The following KCNN2 variants were observed in gnomAD, a reference collection of about 807,000 sequenced individuals.
The protein encoded by KCNN2 is small conductance calcium-activated potassium channel protein 2.
A neutral mutation model predicts 55.5 loss-of-function variants in KCNN2; 24 were observed. That is an observed-to-expected ratio of 0.43 (90% CI 0.31 to 0.61). The LOEUF (loss-of-function observed/expected upper bound fraction) is 0.61. Among genes scored for constraint, KCNN2 ranks in the 20% least tolerant of loss-of-function variants. KCNN2 has a pLI of 0.08. For missense variants in KCNN2, 754 were observed against 853.6 expected (o/e 0.88, Z 1.45); for synonymous variants, 431 against 336.1 (o/e 1.28, Z -3.09).
Position 114,056,501 on chromosome 5 carries a change from G to A in KCNN2, c.-271+1G>A, listed in dbSNP as rs1750211002. On this transcript the variant is annotated splice_donor_variant, in intron 1 of 10. Transcript: ENST00000512097. LOFTEE classifies it low-confidence loss of function (5UTR_SPLICE). ...GCGGGACTCCTGGTTGCAGAACGAG[G>A]TAAGGTCGCGACTAAGGTGACATTG... is the stretch of plus-strand genomic sequence containing the variant. The A allele has an allele frequency of 2.5e-6, 1 of 398,330 alleles. No homozygotes were observed. Among genetic ancestry groups the A allele is most frequent in the Non-Finnish European group, 4.4e-6 (1 of 226,020 alleles). 24.7% of individuals were successfully genotyped at this position (398,330 alleles called of 1,614,324 possible).
intron 2 of KCNN2, among the ~76,000 whole-genome samples, chr5:114,301,771 CTG>C (rs371949688): frequency 4.7e-4 from 72 of 152,320 alleles, no homozygotes; most frequent in East Asian, 3.1e-3. Flanking sequence ...CTACTCAGCA[CTG>C]GACAGATTTG....
intron 1 of KCNN2, among the ~76,000 whole-genome samples, chr5:114,073,096 A>G (rs1026955907): frequency 6.6e-6 from 1 of 152,158 alleles, no homozygotes; most frequent in Non-Finnish European, 1.5e-5. Context: ...GTGAAATCAA[A>G]GATTGTTGTA....
chr5:114,248,991 A>G (rs4705650), intron 2 of KCNN2, among the ~76,000 whole-genome samples: 121,394 of 152,140 alleles, frequency 0.8, 48,760 homozygotes, highest in East Asian at 0.9. Flanking sequence ...AAAAACTGCA[A>G]TGAATGATCA....
At chr5:114,095,575 A>G (rs772587601) in intron 1 of KCNN2, among the ~76,000 whole-genome samples, 5 of 152,312 alleles carry the variant, frequency 3.3e-5, no homozygotes, top group Admixed American at 6.5e-5. Flanking sequence ...CACAGAGCAA[A>G]TGGCAGAACC....
At chr5:114,292,067 G>A (rs1051608315) in intron 2 of KCNN2, among the ~76,000 whole-genome samples, 2 of 152,152 alleles carry the variant, frequency 1.3e-5, no homozygotes, top group African/African-American at 4.8e-5. Context: ...ATTTGTTGGA[G>A]TTCATTGTAG....
At chr5:114,250,058 A>G (rs1754827677) in intron 2 of KCNN2, among the ~76,000 whole-genome samples, 1 of 152,160 alleles carries the variant, frequency 6.6e-6, no homozygotes, top group Non-Finnish European at 1.5e-5. Flanking sequence ...AAAGTTAAGG[A>G]TGTGCATTCC....
chr5:114,480,467 C>CA (rs1258496548), intron 5 of KCNN2, among the ~76,000 whole-genome samples: 1 of 152,050 alleles, frequency 6.6e-6, no homozygotes, highest in Admixed American at 6.6e-5. Flanking sequence ...GAAACTATCC[C>CA]AAAAAATCAC....
At chr5:114,404,897 G>C (rs1393835685) in intron 3 of KCNN2, 41 bp downstream of exon 3, 17 of 1,542,262 alleles carry the variant, frequency 1.1e-5, no homozygotes, top group Non-Finnish European at 1.5e-5. Context: ...TTTACCATGT[G>C]GTATCTTCAC....
intron 2 of KCNN2, among the ~76,000 whole-genome samples, chr5:114,303,913 TATACACAGCAGAG>T (rs1342407335): frequency 6.6e-6 from 1 of 152,206 alleles, no homozygotes; most frequent in African/African-American, 2.4e-5. Context: ...GAATCAATTC[TATACACAGCAGAG>T]ATGTCCTCTT....
chr5:114,343,977 GGT>G lies in KCNN2; in HGVS notation c.-184-16967_-184-16966del, dbSNP rs1757062417. 2.6e-5 allele frequency among the ~76,000 whole-genome samples: 4 copies of G among 152,148 alleles called. No individual in the cohort carries two copies. In the South Asian group the frequency reaches 8.3e-4, roughly 32 times the overall value. On this transcript the variant is annotated intron_variant, in intron 2 of 10. Coordinates refer to the KCNN2 transcript ENST00000512097. ...CAGAGCACCTTTCTCTTCACACTTTGGTAAAGGATTCTAGTTTATATTTAATT... is the reference window on the plus strand; with the variant it reads ...CAGAGCACCTTTCTCTTCACACTTTGAAAGGATTCTAGTTTATATTTAATT...
intron 2 of KCNN2, among the ~76,000 whole-genome samples, chr5:114,378,882 C>T (rs1758018879): frequency 6.6e-6 from 1 of 152,046 alleles, no homozygotes; most frequent in South Asian, 2.1e-4. Context: ...GTATTTTGCC[C>T]TAAGAAAGCC....
chr5:114,075,773 G>C (rs1243860993), intron 1 of KCNN2, among the ~76,000 whole-genome samples: 3 of 152,190 alleles, frequency 2.0e-5, no homozygotes, highest in Admixed American at 2.0e-4. Context: ...AAAAGTGCTT[G>C]CACGCTGGGG....
intron 2 of KCNN2, among the ~76,000 whole-genome samples, chr5:114,319,236 C>A (rs2150028772): frequency 6.6e-6 from 1 of 152,314 alleles, no homozygotes; most frequent in African/African-American, 2.4e-5. Context: ...CTTATCTGCA[C>A]ACTGAGGTTC....
intron 1 of KCNN2, among the ~76,000 whole-genome samples, chr5:114,064,992 A>C (rs1008382050): frequency 1.8e-4 from 28 of 152,300 alleles, no homozygotes; most frequent in African/African-American, 6.7e-4. Flanking sequence ...ATCAGGATGA[A>C]CAAGACAAGA....
In KCNN2 at chr5:114,123,523, C is replaced by T. The variant is rs533379568; in HGVS notation, c.-271+67023C>T. ...GACTACAGGCGCCCGCCACCACGCCCGGCTAATTTTTTGTGTTTTTTAGTA... is the reference window on the plus strand; with the variant it reads ...GACTACAGGCGCCCGCCACCACGCCTGGCTAATTTTTTGTGTTTTTTAGTA... On this transcript the variant is annotated intron_variant, in intron 1 of 10. Coordinates refer to the KCNN2 transcript ENST00000512097. Among the ~76,000 whole-genome samples the T allele has an allele frequency of 4.0e-3, 482 of 119,598 alleles. 138 individuals carry two copies. Among genetic ancestry groups the T allele is most frequent in the African/African-American group, 0.016 (436 of 26,582 alleles). The allele number at this position is 119,598 out of a possible 152,430, so 78.5% of individuals were successfully genotyped here. A position where few individuals can be genotyped will look rare whatever the true frequency, so the allele number is the denominator to read the frequency against.
At chr5:114,431,562 T>C (rs1439491348) in intron 3 of KCNN2, among the ~76,000 whole-genome samples, 2 of 152,112 alleles carry the variant, frequency 1.3e-5, no homozygotes, top group African/African-American at 2.4e-5. Context: ...CTCCATTGAC[T>C]TACTGTTTTC....
intron 2 of KCNN2, among the ~76,000 whole-genome samples, chr5:114,262,195 T>G (rs1755122985): frequency 6.6e-6 from 1 of 152,208 alleles, no homozygotes; most frequent in South Asian, 2.1e-4. Flanking sequence ...TGAGTCAGCC[T>G]TTTCTCATTG....
intron 2 of KCNN2, among the ~76,000 whole-genome samples, chr5:114,303,516 C>T (rs530424920): frequency 2.6e-5 from 4 of 152,266 alleles, no homozygotes; most frequent in Non-Finnish European, 4.4e-5. Context: ...AGAGCTTGCA[C>T]GCCAAACCAA....
intron 1 of KCNN2, among the ~76,000 whole-genome samples, chr5:114,219,108 G>A (rs1754074006): frequency 6.6e-6 from 1 of 152,228 alleles, no homozygotes; most frequent in Admixed American, 6.5e-5. Context: ...GCACCAGCGG[G>A]AGTGAACTCT....
Sources: allele counts gnomAD v4.1 joint callset (sites outside exome capture counted in the v4.1 genomes callset), GRCh38; gene constraint gnomAD v4.1.1; transcripts MANE v1.5; gene names NCBI Gene and HGNC (gene_info 2026-07-23, HGNC 2026-07-21).